LMO7: variants seen among roughly 807,000 people sequenced by gnomAD.
The protein encoded by LMO7 is LIM domain only protein 7.
A neutral mutation model predicts 206.5 loss-of-function variants in LMO7; 120 were observed. The observed-to-expected ratio is 0.58, with a 90% CI of 0.50 to 0.68. The LOEUF (loss-of-function observed/expected upper bound fraction) is 0.68. Among genes scored for constraint, LMO7 ranks in the 30% least tolerant of loss-of-function variants. The pLI, the probability that LMO7 is intolerant of heterozygous loss-of-function variation, is 0.00. For missense variants in LMO7, 1,959 were observed against 1,957.9 expected, an observed-to-expected ratio of 1.00 and a Z score of -0.01; for synonymous variants, 706 against 681.5, an observed-to-expected ratio of 1.04 and a Z score of -0.56.
chr13:75,695,759 A>C (rs9593119), intron 1 of LMO7, among the ~76,000 whole-genome samples: 11,809 of 152,250 alleles, frequency 0.078, 1,019 homozygotes, highest in African/African-American at 0.21. Context: ...AATCTATTTT[A>C]ATGCTTCAAA....
chr13:75,834,272 T>C lies in LMO7; in HGVS notation c.3111T>C (p.Ile1037=). 2 of 1,609,806 alleles carry C rather than the reference T, an allele frequency of 1.2e-6. No homozygotes were observed. The highest frequency in any genetic ancestry group is 1.7e-6 in the Non-Finnish European group (2 of 1,177,956). ...AGCTACAAGTAGATGATGAAATTAT[T>C]GCTATTAACAACACCAAGTTTTCAT... is the stretch of plus-strand genomic sequence containing the variant. ...FSQLQVDDEI[I]AINNTKFSYN... Residue 1037 remains isoleucine, a synonymous_variant, in exon 17 of 31, where the codon ATT becomes ATC. Transcript: ENST00000377534.
At chr13:75,705,580 C>T (rs887774840) in intron 1 of LMO7, among the ~76,000 whole-genome samples, 1 of 152,162 alleles carries the variant, frequency 6.6e-6, no homozygotes, top group Admixed American at 6.5e-5. Flanking sequence ...AACATGTGGT[C>T]TCTATTTATG....
intron 3 of LMO7, among the ~76,000 whole-genome samples, chr13:75,745,435 A>G (rs953911279): frequency 2.0e-5 from 3 of 152,224 alleles, no homozygotes; most frequent in African/African-American, 2.4e-5. Context: ...AAAACTGTTA[A>G]GAATAATACA....
upstream of LMO7, among the ~76,000 whole-genome samples, chr13:75,633,841 C>CTTTTTTTT (rs60769000): frequency 3.1e-5 from 2 of 64,706 alleles, no homozygotes; most frequent in African/African-American, 6.8e-5. Context: ...GTGTCTTTTC[C>CTTTTTTTT]TTTTTTTTTT....
chr13:75,786,245 C>A (rs932449420), intron 4 of LMO7, among the ~76,000 whole-genome samples: 6 of 152,172 alleles, frequency 3.9e-5, no homozygotes, highest in Non-Finnish European at 8.8e-5. Context: ...GCCTGCACTG[C>A]AGTGGCCACT....
intron 3 of LMO7, among the ~76,000 whole-genome samples, chr13:75,750,404 T>G (rs1349948566): frequency 6.6e-6 from 1 of 151,280 alleles, no homozygotes. Flanking sequence ...TTTTTTCCTT[T>G]TTGGAGACAG....
At chr13:75,624,480 G>A (rs2033764650) in intron 2 of LMO7, among the ~76,000 whole-genome samples, 1 of 152,090 alleles carries the variant, frequency 6.6e-6, no homozygotes, top group Non-Finnish European at 1.5e-5. Flanking sequence ...TGAAGGACTT[G>A]TTTTTACTAT....
At position 75,713,245 on chromosome 13, in the gene LMO7, C is replaced by T. The variant is rs1046011698; in HGVS notation, c.133C>T (p.Leu45=). ...AGCCTCTCTAGAAAATGGTGTTCTG[C>T]TGTGTGAGTAAGTATTTAAAGTATT... ...FRASLENGVL[L]CDLINKLKPG... The change falls in exon 2 of 31, where the codon CTG becomes TTG. Residue 45 remains leucine (L), a synonymous_variant. Coordinates refer to ENST00000377534, the MANE Select transcript of LMO7 (RefSeq NM_001306080.2). 1.9e-6 allele frequency: 3 copies of T among 1,606,046 alleles called. No homozygotes were observed. Among genetic ancestry groups the T allele is most frequent in the African/African-American group, 2.7e-5 (2 of 74,710 alleles).
At chr13:75,722,398 A>G (rs557118018) in intron 2 of LMO7, among the ~76,000 whole-genome samples, 6 of 152,280 alleles carry the variant, frequency 3.9e-5, no homozygotes, top group East Asian at 1.9e-4. Context: ...TAAATAGACA[A>G]TTCTCAAAAG....
intron 1 of LMO7, among the ~76,000 whole-genome samples, chr13:75,700,190 T>C (rs2042190864): frequency 6.6e-6 from 1 of 152,196 alleles, no homozygotes; most frequent in African/African-American, 2.4e-5. Context: ...AAACAATTTG[T>C]ACAGATAACA....
At chr13:75,660,898 G>C (rs1393341884) in intron 1 of LMO7, among the ~76,000 whole-genome samples, 1 of 152,110 alleles carries the variant, frequency 6.6e-6, no homozygotes, top group Non-Finnish European at 1.5e-5. Context: ...TAGGGGGTAG[G>C]GTTGACTGAT....
intron 11 of LMO7, chr13:75,816,678 C>T (rs2057034400): frequency 6.5e-6 from 1 of 152,726 alleles, no homozygotes. Flanking sequence ...TTAGAATCAA[C>T]AGCACATTTA....
intron 3 of LMO7, among the ~76,000 whole-genome samples, chr13:75,751,614 C>G (rs1445651844): frequency 6.6e-6 from 1 of 152,104 alleles, no homozygotes; most frequent in Non-Finnish European, 1.5e-5. Context: ...CTTTGTAAGG[C>G]CTTTAGGTCA....
chr13:75,761,815 CA>C (rs1395558205), intron 4 of LMO7, among the ~76,000 whole-genome samples: 3 of 151,972 alleles, frequency 2.0e-5, no homozygotes, highest in Non-Finnish European at 4.4e-5. Context: ...ATCTCTTTGT[CA>C]TCCTGCCTCT....
intron 1 of LMO7, among the ~76,000 whole-genome samples, chr13:75,640,365 A>T (rs976381489): frequency 1.3e-5 from 2 of 152,122 alleles, no homozygotes; most frequent in Non-Finnish European, 2.9e-5. Context: ...AATGCTCCCT[A>T]ATCCATTGCT....
intron 3 of LMO7, among the ~76,000 whole-genome samples, chr13:75,759,978 A>G (rs1226375248): frequency 2.0e-5 from 3 of 152,068 alleles, no homozygotes; most frequent in African/African-American, 7.2e-5. Flanking sequence ...CCCCTTTACC[A>G]GCGAACTGTA....
chr13:75,809,735 A>T (rs1303548269), intron 11 of LMO7, among the ~76,000 whole-genome samples: 3 of 152,302 alleles, frequency 2.0e-5, no homozygotes, highest in African/African-American at 7.2e-5. Flanking sequence ...TAGGAAAAAA[A>T]AGTTATAACA....
Position 75,723,474 on chromosome 13 carries a change from T to C in LMO7, c.141-3555T>C, listed in dbSNP as rs146404261. Among the ~76,000 whole-genome samples the C allele has an allele frequency of 2.9e-3, 436 of 152,274 alleles. 1 individual carries two copies. Among genetic ancestry groups the C allele is most frequent in the African/African-American group, 9.5e-3 (393 of 41,554 alleles). On this transcript the variant is annotated intron_variant, in intron 2 of 30. Transcript: ENST00000377534. The stretch of plus-strand genomic sequence containing the variant: ...TAGGAGCTCAAAAGGTGTCCATAAA[T>C]TTTGTACCTCAGCTGAAAAGCTTTC...
At chr13:75,811,670 TTGTC>T (rs2056414986) in intron 11 of LMO7, among the ~76,000 whole-genome samples, 1 of 152,246 alleles carries the variant, frequency 6.6e-6, no homozygotes, top group African/African-American at 2.4e-5. Context: ...ACCTGTCAGT[TTGTC>T]TGTTTATTTT....
Sources: gnomAD v4.1 joint callset for allele counts (sites outside exome capture counted in the v4.1 genomes callset) on GRCh38, gnomAD v4.1.1 for gene constraint, MANE v1.5 for transcripts, NCBI Gene and HGNC (gene_info 2026-07-23, HGNC 2026-07-21) for gene names.